Variants in OPHN1 observed in about 807,000 individuals in gnomAD.
The protein encoded by OPHN1 is oligophrenin-1.
OPHN1 carries 11 observed loss-of-function variants against 60.7 expected under a neutral mutation model. That is an observed-to-expected ratio of 0.18 (90% CI 0.11 to 0.30). OPHN1 has a LOEUF of 0.30. OPHN1 is among the 10% of genes least tolerant of loss of function. The pLI is 1.00. For synonymous variants in OPHN1, 226 were observed against 222.6 expected (o/e 1.02, Z -0.14); for missense variants, 449 against 611.0 (o/e 0.73, Z 2.80).
rs1404493878 is a variant in OPHN1, at chrX:68,073,094, G to A, written c.1834+58C>T. 6 of 1,151,270 alleles carry A rather than the reference G, an allele frequency of 5.2e-6. No individual in the cohort carries two copies. In the South Asian group the frequency reaches 7.6e-5, roughly 15 times the overall value. The allele number at this position is 1,151,270 out of a possible 1,213,427, so 94.9% of individuals were successfully genotyped here. A position where few individuals can be genotyped will look rare whatever the true frequency, so the allele number is the denominator to read the frequency against. On this transcript the variant is annotated intron_variant, in intron 20 of 24. Coordinates refer to ENST00000355520, the MANE Select transcript of OPHN1 (RefSeq NM_002547.3). ...GGTCATGCCACCGCTTCTGCCCTTCGATATCCTCTTTGTGTCTAATCACCA... is the reference window on the plus strand; with the variant it reads ...GGTCATGCCACCGCTTCTGCCCTTCAATATCCTCTTTGTGTCTAATCACCA...
At chrX:68,256,636 T>C (rs888345106) in intron 5 of OPHN1, among the ~76,000 whole-genome samples, 1 of 112,188 alleles carries the variant, frequency 8.9e-6, no homozygotes, top group Non-Finnish European at 1.9e-5. Context: ...CAGCATCATT[T>C]TTCCAACAGC....
chrX:68,174,469 C>CTTTTTTT (rs767690922), intron 15 of OPHN1, among the ~76,000 whole-genome samples: 10 of 76,334 alleles, frequency 1.3e-4, no homozygotes, highest in African/African-American at 2.0e-4. Flanking sequence ...TTAACTTATT[C>CTTTTTTT]TTTTTTTTTT....
upstream of OPHN1, chrX:68,433,604 C>G (rs1196689358): frequency 6.8e-6 from 2 of 294,526 alleles, no homozygotes; most frequent in Non-Finnish European, 1.2e-5. Context: ...AGCGCTCTGG[C>G]TCCTTCCTCA....
intron 15 of OPHN1, among the ~76,000 whole-genome samples, chrX:68,121,047 A>C (rs2077148458): frequency 8.9e-6 from 1 of 112,424 alleles, no homozygotes; most frequent in Non-Finnish European, 1.9e-5. Flanking sequence ...CTAGAAGAAA[A>C]CATAGGTGAA....
chrX:68,046,824 G>A lies in OPHN1; in HGVS notation c.*348C>T, dbSNP rs2076833949. 2 of 111,832 alleles carry A rather than the reference G, an allele frequency of 1.8e-5. No homozygotes were observed. The highest frequency in any genetic ancestry group is 7.6e-4 in the South Asian group (2 of 2,624). 9.2% of individuals were successfully genotyped at this position (111,832 alleles called of 1,213,427 possible). On this transcript the variant is annotated 3_prime_UTR_variant, in exon 25 of 25. Coordinates refer to ENST00000355520, the MANE Select transcript of OPHN1 (RefSeq NM_002547.3). ...GTTCAATGGCCCTCTGAGGAAGCAG[G>A]AAGTTCAGGGAAGAGTTGAAAACTG...
chrX:68,427,378 G>C (rs1323548186), intron 2 of OPHN1, among the ~76,000 whole-genome samples: 1 of 111,177 alleles, frequency 9.0e-6, no homozygotes, highest in Non-Finnish European at 1.9e-5. Context: ...CGTAAAATAA[G>C]GTCCTGTAAT....
At chrX:68,149,817 T>A (rs1429445528) in intron 15 of OPHN1, among the ~76,000 whole-genome samples, 1 of 110,712 alleles carries the variant, frequency 9.0e-6, no homozygotes, top group Non-Finnish European at 1.9e-5. Context: ...AAAAAAAATT[T>A]AAAACAGACA....
chrX:68,237,345 C>G (rs998212516), intron 5 of OPHN1, among the ~76,000 whole-genome samples: 2 of 112,007 alleles, frequency 1.8e-5, no homozygotes, highest in African/African-American at 6.5e-5. Context: ...CTGGTCCTTT[C>G]CATTTCTATG....
intron 2 of OPHN1, among the ~76,000 whole-genome samples, chrX:68,357,948 C>T (rs1163111611): frequency 9.2e-6 from 1 of 108,904 alleles, no homozygotes; most frequent in African/African-American, 3.3e-5. Flanking sequence ...TGAAAACATA[C>T]TATTTAGGGA....
At chrX:68,355,948 G>A (rs920146109) in intron 2 of OPHN1, among the ~76,000 whole-genome samples, 4 of 110,764 alleles carry the variant, frequency 3.6e-5, no homozygotes, top group African/African-American at 1.3e-4. Flanking sequence ...TACTTGGGAG[G>A]CTGAAGCAGG....
At chrX:68,178,838 C>A (rs987843682) in intron 15 of OPHN1, among the ~76,000 whole-genome samples, 4 of 112,359 alleles carry the variant, frequency 3.6e-5, no homozygotes, top group African/African-American at 1.3e-4. Context: ...TATTTCCTGA[C>A]TCTCGGCTCA....
At chrX:68,192,645 C>G in intron 15 of OPHN1, 1 of 349,093 alleles carries the variant, frequency 2.9e-6, no homozygotes, top group Non-Finnish European at 5.1e-6. Context: ...ACCGACTAAG[C>G]CTGGCCACAC....
At chrX:68,330,926 A>T (rs2078291425) in intron 2 of OPHN1, among the ~76,000 whole-genome samples, 1 of 105,832 alleles carries the variant, frequency 9.4e-6, no homozygotes. Flanking sequence ...TTACATATTA[A>T]TATATTTAAA....
chrX:68,270,840 G>A (rs1295097567), intron 5 of OPHN1, among the ~76,000 whole-genome samples: 1 of 111,545 alleles, frequency 9.0e-6, no homozygotes, highest in African/African-American at 3.3e-5. Flanking sequence ...AAGGTTCGGA[G>A]AGAAGTGCTG....
At chrX:68,093,566 G>A (rs906518641) in intron 19 of OPHN1, among the ~76,000 whole-genome samples, 5 of 111,039 alleles carry the variant, frequency 4.5e-5, no homozygotes, top group Non-Finnish European at 9.5e-5. Context: ...CAGTTTTTGT[G>A]TACCCTTGTC....
chrX:68,117,030 A>G (rs937039578), intron 16 of OPHN1, among the ~76,000 whole-genome samples: 10 of 111,715 alleles, frequency 9.0e-5, no homozygotes, highest in African/African-American at 3.3e-4. Context: ...TTCAAAATAC[A>G]AATCTCAATA....
chrX:68,284,720 C>A (rs1420854735), intron 3 of OPHN1, among the ~76,000 whole-genome samples: 2 of 111,629 alleles, frequency 1.8e-5, no homozygotes, highest in African/African-American at 3.3e-5. Flanking sequence ...CCTCCCAACA[C>A]CCAGATAACC....
At position 68,426,569 on chromosome X, in the gene OPHN1, T is replaced by TATATATATATAA. The variant is rs1266981689; in HGVS notation, c.154+6297_154+6298insTTATATATATAT. 7.9e-4 allele frequency among the ~76,000 whole-genome samples: 33 copies of TATATATATATAA among 41,600 alleles called. 1 individual carries two copies. Among genetic ancestry groups the TATATATATATAA allele is most frequent in the East Asian group, 2.5e-3 (2 of 805 alleles). The allele number at this position is 41,600 out of a possible 115,157, so 36.1% of individuals were successfully genotyped here. ...CATCTGTTTTATATATATATATATA[T>TATATATATATAA]ACATACACAGAGGCTGGGCGTGATG... On this transcript the variant is annotated intron_variant, in intron 2 of 24. Transcript: ENST00000355520.
intron 21 of OPHN1, among the ~76,000 whole-genome samples, chrX:68,056,690 T>C (rs1192020587): frequency 9.0e-6 from 1 of 111,368 alleles, no homozygotes; most frequent in Non-Finnish European, 1.9e-5. Flanking sequence ...ATGTTTACAA[T>C]AAGCTTGAGA....
Sources: gnomAD v4.1 joint callset for allele counts (sites outside exome capture counted in the v4.1 genomes callset) on GRCh38, gnomAD v4.1.1 for gene constraint, MANE v1.5 for transcripts, NCBI Gene and HGNC (gene_info 2026-07-23, HGNC 2026-07-21) for gene names.